PITPNC1: variants seen among roughly 807,000 people sequenced by gnomAD.
PITPNC1 encodes the protein cytoplasmic phosphatidylinositol transfer protein 1.
In PITPNC1, 18 loss-of-function variants were observed where a neutral mutation model predicts 44.7. The ratio of observed to expected loss-of-function variants is 0.40; its 90% CI spans 0.28 to 0.60. The LOEUF (loss-of-function observed/expected upper bound fraction) is 0.60, where lower values mean the gene tolerates loss of function less well. Ranked by LOEUF, PITPNC1 falls within the 20% of genes least tolerant of loss-of-function variation. The probability of loss-of-function intolerance (pLI) is 0.39; values close to 1 mark genes in which losing one functional copy is unlikely to be tolerated. For missense variants in PITPNC1, 290 were observed against 418.4 expected (o/e 0.69, Z 2.68); for synonymous variants, 141 against 149.6 (o/e 0.94, Z 0.42).
intron 1 of PITPNC1, among the ~76,000 whole-genome samples, chr17:67,489,137 G>A (rs2039824940): frequency 6.6e-6 from 1 of 152,172 alleles, no homozygotes; most frequent in Admixed American, 6.5e-5. Flanking sequence ...GGGTCATACG[G>A]TAACAGACTC....
chr17:67,381,770 C>A (rs2037964311), intron 1 of PITPNC1, among the ~76,000 whole-genome samples: 1 of 152,232 alleles, frequency 6.6e-6, no homozygotes, highest in African/African-American at 2.4e-5. Context: ...TCTCTTTAAT[C>A]ACCAGAGTTC....
At chr17:67,596,158 G>A (rs1442524185) in intron 5 of PITPNC1, among the ~76,000 whole-genome samples, 1 of 152,170 alleles carries the variant, frequency 6.6e-6, no homozygotes, top group African/African-American at 2.4e-5. Flanking sequence ...AATGAAATAT[G>A]AAACATATTA....
At chr17:67,402,437 C>T (rs1000636458) in intron 1 of PITPNC1, among the ~76,000 whole-genome samples, 4 of 152,100 alleles carry the variant, frequency 2.6e-5, no homozygotes, top group Non-Finnish European at 5.9e-5. Context: ...TTTCAGAAGC[C>T]GCATCAAACT....
chr17:67,550,052 C>T (rs568130867), intron 2 of PITPNC1, among the ~76,000 whole-genome samples: 105 of 152,268 alleles, frequency 6.9e-4, no homozygotes, highest in African/African-American at 2.5e-3. Context: ...GTCAGCGTCA[C>T]CTGAGTTGCA....
chr17:67,631,741 A>G (rs1164715644), intron 5 of PITPNC1, among the ~76,000 whole-genome samples: 2 of 144,342 alleles, frequency 1.4e-5, no homozygotes, highest in Non-Finnish European at 3.0e-5. Flanking sequence ...CTCTTGGCCT[A>G]TATCCCTGCT....
Position 67,508,482 on chromosome 17 carries a change from C to T in PITPNC1, c.49-24320C>T, listed in dbSNP as rs1306179575. ...GAGGACGACCAGAGGTCACTCCTGT[C>T]GCCATCTTGGTTTTGGTGGGTTTTA... is the stretch of plus-strand genomic sequence containing the variant. On this transcript the variant is annotated intron_variant, in intron 1 of 8. Transcript: ENST00000581322. The surrounding 1 kb of genome is among the most constrained non-coding windows in gnomAD (Gnocchi z 4.2). Among the ~76,000 whole-genome samples the T allele has an allele frequency of 2.6e-5, 4 of 152,150 alleles. No individual in the cohort carries two copies. In the South Asian group the frequency reaches 6.2e-4, roughly 24 times the overall value.
intron 6 of PITPNC1, among the ~76,000 whole-genome samples, chr17:67,634,983 G>T (rs193144665): frequency 6.6e-6 from 1 of 152,116 alleles, no homozygotes; most frequent in East Asian, 1.9e-4. Flanking sequence ...AAGTCCCAGC[G>T]ACTCAGGAGG....
chr17:67,520,731 A>C (rs898982221), intron 1 of PITPNC1, among the ~76,000 whole-genome samples: 1 of 152,134 alleles, frequency 6.6e-6, no homozygotes, highest in Non-Finnish European at 1.5e-5. Flanking sequence ...TTCTGCTTCT[A>C]GAGCCAACTG....
intron 1 of PITPNC1, among the ~76,000 whole-genome samples, chr17:67,527,666 A>C (rs1337526510): frequency 6.6e-6 from 1 of 151,728 alleles, no homozygotes; most frequent in Non-Finnish European, 1.5e-5. Context: ...TCGCCACTGC[A>C]CTCCAGCCTG....
chr17:67,402,256 C>T (rs2143823028), intron 1 of PITPNC1, among the ~76,000 whole-genome samples: 1 of 152,276 alleles, frequency 6.6e-6, no homozygotes, highest in South Asian at 2.1e-4. Context: ...GTGCCTTTTG[C>T]TTTTTCTTTT....
intron 6 of PITPNC1, among the ~76,000 whole-genome samples, chr17:67,664,884 G>A (rs1411113767): frequency 2.0e-5 from 3 of 147,062 alleles, no homozygotes; most frequent in African/African-American, 2.5e-5. Flanking sequence ...CAGCCTGGGC[G>A]ACAGAGCGAG....
intron 6 of PITPNC1, among the ~76,000 whole-genome samples, chr17:67,640,707 A>G (rs905231874): frequency 1.2e-3 from 161 of 131,478 alleles, no homozygotes; most frequent in Non-Finnish European, 2.0e-3. Context: ...AAAAAAAAAG[A>G]GGCCGGGCAC....
chr17:67,677,891 C>T (rs1333069617), intron 8 of PITPNC1, among the ~76,000 whole-genome samples: 2 of 150,852 alleles, frequency 1.3e-5, no homozygotes, highest in African/African-American at 4.9e-5. Context: ...TAATAAAAGA[C>T]TTAGGGACTT....
intron 1 of PITPNC1, among the ~76,000 whole-genome samples, chr17:67,466,419 T>TA (rs2039428785): frequency 6.6e-6 from 1 of 152,068 alleles, no homozygotes; most frequent in African/African-American, 2.4e-5. Context: ...AAACGCAATT[T>TA]ACAAACAAGG....
At chr17:67,455,661 C>T (rs185022746) in intron 1 of PITPNC1, among the ~76,000 whole-genome samples, 28 of 151,860 alleles carry the variant, frequency 1.8e-4, no homozygotes, top group Admixed American at 3.9e-4. Context: ...AGACTGGTCT[C>T]GAACTGCTGA....
intron 1 of PITPNC1, among the ~76,000 whole-genome samples, chr17:67,430,862 G>A (rs192153747): frequency 2.0e-5 from 3 of 151,566 alleles, no homozygotes; most frequent in Admixed American, 1.3e-4. Context: ...GCTGAGGTGG[G>A]AGGATCCCTT....
chr17:67,454,353 C>T (rs1316997505), intron 1 of PITPNC1, among the ~76,000 whole-genome samples: 1 of 152,018 alleles, frequency 6.6e-6, no homozygotes, highest in Non-Finnish European at 1.5e-5. Context: ...TCTTTCACTA[C>T]TTACATAACC....
chr17:67,673,635 C>G (rs549348520), intron 7 of PITPNC1, among the ~76,000 whole-genome samples: 75 of 152,150 alleles, frequency 4.9e-4, no homozygotes, highest in African/African-American at 1.7e-3. Flanking sequence ...TATCTTGTAT[C>G]TCACACATTC....
chr17:67,411,426 T>G (rs1181483091), intron 1 of PITPNC1, among the ~76,000 whole-genome samples: 5 of 151,992 alleles, frequency 3.3e-5, no homozygotes. Flanking sequence ...GAAAGTCTCC[T>G]AGAAGGTGGT....
Sources: allele counts gnomAD v4.1 joint callset (sites outside exome capture counted in the v4.1 genomes callset), GRCh38; gene constraint gnomAD v4.1.1; non-coding constraint Gnocchi (gnomAD v3.1); transcripts MANE v1.5; gene names NCBI Gene and HGNC (gene_info 2026-07-23, HGNC 2026-07-21).